Variants in CSF2RA observed in about 807,000 individuals in gnomAD.
CSF2RA encodes the protein granulocyte-macrophage colony-stimulating factor receptor subunit alpha.
In CSF2RA, 42 loss-of-function variants were observed where a neutral mutation model predicts 51.6. That is an observed-to-expected ratio of 0.81 (90% CI 0.64 to 1.05). The LOEUF (loss-of-function observed/expected upper bound fraction) is 1.05, where lower values mean the gene tolerates loss of function less well. Among genes scored for constraint, CSF2RA ranks in the 50% least tolerant of loss-of-function variants. CSF2RA has a pLI of 0.00. For missense variants in CSF2RA, 530 were observed against 501.1 expected (o/e 1.06, Z -0.55); for synonymous variants, 222 against 193.0 (o/e 1.15, Z -1.24).
intron 10 of CSF2RA, among the ~76,000 whole-genome samples, chrX:1,302,725 G>T (rs1343922356): frequency 1.3e-5 from 2 of 149,184 alleles, no homozygotes; most frequent in African/African-American, 5.0e-5. Flanking sequence ...ATGGAGTTTC[G>T]CTGTGTCACC....
At chrX:1,312,890 T>A (rs1368366524), downstream of CSF2RA, among the ~76,000 whole-genome samples, 4 of 151,684 alleles carry the variant, frequency 2.6e-5, no homozygotes, top group Non-Finnish European at 5.9e-5. Context: ...GATTCACAAG[T>A]CAAAGCTTGG....
At chrX:1,287,616 G>T (rs1237980231) in intron 4 of CSF2RA, among the ~76,000 whole-genome samples, 3 of 145,938 alleles carry the variant, frequency 2.1e-5, no homozygotes. Flanking sequence ...GCTAATTTTT[G>T]TATTTTTAGT....
chrX:1,314,031 A>C (rs2084300290), downstream of CSF2RA, among the ~76,000 whole-genome samples: 2 of 152,014 alleles, frequency 1.3e-5, no homozygotes, highest in African/African-American at 2.4e-5. Flanking sequence ...ATTAAAATAA[A>C]ATTAAATAAA....
At chrX:1,282,314 AG>A in intron 2 of CSF2RA, 1 of 271,374 alleles carries the variant, frequency 3.7e-6, no homozygotes, top group Non-Finnish European at 7.1e-6. Context: ...ATTAACAGAA[AG>A]TAAAAGCTAT....
chrX:1,271,310 A>T lies in CSF2RA; in HGVS notation c.-91+2431A>T, dbSNP rs1441560685. Among the ~76,000 whole-genome samples the T allele has an allele frequency of 4.5e-4, 27 of 59,500 alleles. 7 individuals carry two copies. The Admixed American group carries it at 6.5e-3, about 14-fold the overall frequency. 39.0% of individuals were successfully genotyped at this position (59,500 alleles called of 152,430 possible). A position where few individuals can be genotyped will look rare whatever the true frequency, so the allele number is the denominator to read the frequency against. On this transcript the variant is annotated intron_variant, in intron 1 of 12. Coordinates refer to ENST00000381529, the MANE Select transcript of CSF2RA (RefSeq NM_172245.4). ...GTAGCTGGGATTACAGGCACCTGCC[A>T]CCACGCCCGGCTAATTTTTGTATTT...
At position 1,288,172 on chromosome X, in the gene CSF2RA, G is replaced by T. The variant is rs191661375; in HGVS notation, c.220-347G>T. ...TCACAAAGGGAGGCAGGTGCGTGTC[G>T]CCAAATCCAGGTAAAAACCAATACC... On this transcript the variant is annotated intron_variant, in intron 4 of 12. Transcript: ENST00000381529. 4.0e-5 allele frequency among the ~76,000 whole-genome samples: 6 copies of T among 151,620 alleles called. No homozygotes were observed. The South Asian group carries it at 6.3e-4, about 16-fold the overall frequency.
chrX:1,296,356 A>G (rs2091956694), intron 9 of CSF2RA, among the ~76,000 whole-genome samples: 1 of 95,338 alleles, frequency 1.0e-5, no homozygotes, highest in African/African-American at 4.5e-5. Context: ...GCGGAACCCT[A>G]CAGTCCCCTA....
At chrX:1,287,536 T>A (rs757057455) in intron 4 of CSF2RA, among the ~76,000 whole-genome samples, 1 of 149,714 alleles carries the variant, frequency 6.7e-6, no homozygotes, top group Non-Finnish European at 1.5e-5. Context: ...CTGTGCCTCC[T>A]GGGTTCAAGA....
chrX:1,321,066 A>T, the CSF2RA span, among the ~76,000 whole-genome samples: 255 of 146,982 alleles, frequency 1.7e-3, 1 homozygote, highest in Middle Eastern at 3.7e-3. Flanking sequence ...CTGGTCTTGA[A>T]CTCCTGACCA....
downstream of CSF2RA, chrX:1,309,993 A>G: frequency 4.2e-6 from 2 of 476,736 alleles, no homozygotes; most frequent in Non-Finnish European, 7.3e-6. Context: ...ACAGGAGTTT[A>G]AGACCAGTCT....
chrX:1,289,367 A>G (rs2091110953), intron 6 of CSF2RA, among the ~76,000 whole-genome samples: 1 of 152,036 alleles, frequency 6.6e-6, no homozygotes, highest in Non-Finnish European at 1.5e-5. Flanking sequence ...ACCTCAAGTG[A>G]TCTGCCTGCC....
chrX:1,291,025 G>A (rs1254776554), intron 7 of CSF2RA, among the ~76,000 whole-genome samples: 6 of 152,002 alleles, frequency 3.9e-5, no homozygotes, highest in East Asian at 1.9e-4. Flanking sequence ...AGGTTCAAGC[G>A]ATTCTTCTGT....
At chrX:1,287,639 T>C (rs1569500155) in intron 4 of CSF2RA, among the ~76,000 whole-genome samples, 1 of 142,224 alleles carries the variant, frequency 7.0e-6, no homozygotes, top group Non-Finnish European at 1.5e-5. Context: ...AGACGGGGTT[T>C]CACCATGTTG....
the CSF2RA span, among the ~76,000 whole-genome samples, chrX:1,323,638 C>A: frequency 2.0e-5 from 3 of 152,140 alleles, no homozygotes; most frequent in East Asian, 5.8e-4. Context: ...AATCCCAGCA[C>A]TTTGGGAGGC....
At position 1,300,641 on chromosome X, in the gene CSF2RA, G is replaced by C; in HGVS notation, c.946+15G>C. ...CATTGAATTTGGTAAGCGTTGGGCG[G>C]AGGTAAGGGATGTTTGTGCCGTCTG... On this transcript the variant is annotated intron_variant, in intron 10 of 12. Transcript: ENST00000381529. 6.2e-7 allele frequency: 1 copy of C among 1,613,918 alleles called. No homozygotes were observed. The highest frequency in any genetic ancestry group is 2.2e-5 in the East Asian group (1 of 44,872).
intron 7 of CSF2RA, among the ~76,000 whole-genome samples, chrX:1,290,899 G>C (rs1278823361): frequency 1.3e-5 from 2 of 152,012 alleles, no homozygotes; most frequent in Non-Finnish European, 2.9e-5. Flanking sequence ...CTTTGGTGCT[G>C]TAACAAATTA....
At chrX:1,282,413 G>A (rs2090165165) in intron 2 of CSF2RA, 3 of 563,130 alleles carry the variant, frequency 5.3e-6, no homozygotes, top group Middle Eastern at 4.9e-4. Context: ...ATGAAGGTCA[G>A]CTGAGCCATG....
intron 6 of CSF2RA, 105 bp downstream of exon 6, chrX:1,288,993 G>C (rs28480565): frequency 2.0e-6 from 3 of 1,495,950 alleles, no homozygotes; most frequent in South Asian, 2.3e-5. Context: ...ACATGGTCTT[G>C]CTCTGTTGCC....
At chrX:1,301,331 CAAAAAAA>C (rs1156943650) in intron 10 of CSF2RA, among the ~76,000 whole-genome samples, 88 of 62,706 alleles carry the variant, frequency 1.4e-3, no homozygotes, top group African/African-American at 4.7e-3. Flanking sequence ...GACTCTGTCT[CAAAAAAA>C]AAAAAAAAAA....
Sources: allele counts gnomAD v4.1 joint callset (sites outside exome capture counted in the v4.1 genomes callset), GRCh38; gene constraint gnomAD v4.1.1; transcripts MANE v1.5; gene names NCBI Gene and HGNC (gene_info 2026-07-23, HGNC 2026-07-21).